ATXN3: variants seen among roughly 807,000 people sequenced by gnomAD.
ATXN3 encodes ataxin-3.
A neutral mutation model predicts 58.2 loss-of-function variants in ATXN3; 28 were observed. The observed-to-expected ratio is 0.48, with a 90% CI of 0.36 to 0.66. ATXN3 has a LOEUF of 0.66. Among genes scored for constraint, ATXN3 ranks in the 30% least tolerant of loss-of-function variants. The pLI, the probability that ATXN3 is intolerant of heterozygous loss-of-function variation, is 0.00. For missense variants in ATXN3, 321 were observed against 422.1 expected, an observed-to-expected ratio of 0.76 and a Z score of 2.10; for synonymous variants, 113 against 138.5, an observed-to-expected ratio of 0.82 and a Z score of 1.29.
At chr14:92,101,554 C>T (rs937187265) in intron 1 of ATXN3, among the ~76,000 whole-genome samples, 1 of 152,104 alleles carries the variant, frequency 6.6e-6, no homozygotes, top group Non-Finnish European at 1.5e-5. Flanking sequence ...CAAAGTTCAG[C>T]GGTATTGAAA....
intron 1 of ATXN3, among the ~76,000 whole-genome samples, chr14:92,103,814 A>G (rs1331057134): frequency 2.0e-5 from 3 of 152,218 alleles, no homozygotes; most frequent in Non-Finnish European, 4.4e-5. Context: ...TCGTAGGCAG[A>G]TATTGCTACC....
downstream of ATXN3, among the ~76,000 whole-genome samples, chr14:92,053,948 T>A (rs79089921): frequency 6.6e-6 from 1 of 151,586 alleles, no homozygotes; most frequent in African/African-American, 2.4e-5. Context: ...GGTTTTTTTT[T>A]CCCCCGAGAC....
At chr14:92,078,926 C>A (rs182654422) in intron 9 of ATXN3, among the ~76,000 whole-genome samples, 59 of 152,188 alleles carry the variant, frequency 3.9e-4, no homozygotes, top group African/African-American at 1.0e-3. Flanking sequence ...TGGCTCATGC[C>A]TGTAATCCCA....
intron 9 of ATXN3, 147 bp downstream of exon 9, chr14:92,080,818 A>T (rs1250899306): frequency 1.4e-6 from 1 of 723,278 alleles, no homozygotes; most frequent in South Asian, 1.5e-5. Flanking sequence ...TCACAGGCGT[A>T]AGCCACCGTG....
At position 92,096,705 on chromosome 14, in the gene ATXN3, ACTC is replaced by A. The variant is rs1164892592; in HGVS notation, c.155_157del (p.Gly52del). The A allele has an allele frequency of 6.2e-7, 1 of 1,613,668 alleles. No homozygotes were observed. The highest frequency in any genetic ancestry group is 8.5e-7 in the Non-Finnish European group (1 of 1,179,952). On this transcript the variant is annotated inframe_deletion, in exon 2 of 11. Transcript: ENST00000644486. ...AAACGTGCGATAATCTTCACTAGTAACTCCTCCTTCTGCCATTCTCATCCTCTC... is the reference window on the plus strand; with the variant it reads ...AAACGTGCGATAATCTTCACTAGTAACTCCTTCTGCCATTCTCATCCTCTC...
At chr14:92,084,407 T>C (rs1002106645) in intron 6 of ATXN3, among the ~76,000 whole-genome samples, 5 of 152,124 alleles carry the variant, frequency 3.3e-5, no homozygotes, top group African/African-American at 1.2e-4. Context: ...CTATTTAAGG[T>C]GTCAAACGTG....
downstream of ATXN3, among the ~76,000 whole-genome samples, chr14:92,057,423 A>ACAT: frequency 8.0e-6 from 1 of 124,546 alleles, no homozygotes; most frequent in Non-Finnish European, 1.6e-5. Context: ...AACAACAACA[A>ACAT]CAAAGCGGGG....
rs144372654 is a variant in ATXN3, at chr14:92,078,518, C to T, written c.872+2447G>A. Among the ~76,000 whole-genome samples the T allele has an allele frequency of 3.1e-3, 471 of 151,812 alleles. 1 individual carries two copies. The highest frequency in any genetic ancestry group is 0.014 in the Middle Eastern group (4 of 290). ...CTGGGATTACAAGCATGCGCCACCA[C>T]GCCTGGCTAATTTTTTGTATTTTTA... On this transcript the variant is annotated intron_variant, in intron 9 of 10. Transcript: ENST00000644486.
intron 10 of ATXN3, among the ~76,000 whole-genome samples, chr14:92,066,635 T>C (rs1415383118): frequency 1.4e-5 from 2 of 140,276 alleles, no homozygotes; most frequent in Non-Finnish European, 3.0e-5. Context: ...TGAGACAAGG[T>C]CTCGCTCTGT....
At chr14:92,091,482 C>T (rs1303400950) in intron 5 of ATXN3, among the ~76,000 whole-genome samples, 1 of 151,892 alleles carries the variant, frequency 6.6e-6, no homozygotes, top group Non-Finnish European at 1.5e-5. Flanking sequence ...AAAGAACCAA[C>T]TTAGGATGAA....
At chr14:92,053,388 G>A (rs1260629288), upstream of ATXN3, among the ~76,000 whole-genome samples, 1 of 151,994 alleles carries the variant, frequency 6.6e-6, no homozygotes, top group East Asian at 1.9e-4. Flanking sequence ...GTTAAGTTCT[G>A]GCCAATGTAA....
At chr14:92,103,441 AT>A (rs1003684110) in intron 1 of ATXN3, among the ~76,000 whole-genome samples, 1 of 152,026 alleles carries the variant, frequency 6.6e-6, no homozygotes, top group African/African-American at 2.4e-5. Context: ...AAATATATAC[AT>A]TTTTTTCTTT....
chr14:92,068,717 A>G lies in ATXN3; in HGVS notation c.991+2218T>C, dbSNP rs561747168. 1.3e-3 allele frequency among the ~76,000 whole-genome samples: 202 copies of G among 151,982 alleles called. 2 individuals are homozygous for G. Among genetic ancestry groups the G allele is most frequent in the Non-Finnish European group, 1.5e-4 (10 of 67,916 alleles). Reference sequence around the variant, plus strand: ...GCAATTCTCCTGCCTCAGCCTCCCAAGAAGCTGGGATTACAGGCATGCGCC... The same window carrying G: ...GCAATTCTCCTGCCTCAGCCTCCCAGGAAGCTGGGATTACAGGCATGCGCC... On this transcript the variant is annotated intron_variant, in intron 10 of 10. Transcript: ENST00000644486.
At chr14:92,071,948 T>A (rs1056277698) in intron 9 of ATXN3, among the ~76,000 whole-genome samples, 4 of 152,234 alleles carry the variant, frequency 2.6e-5, no homozygotes, top group Admixed American at 6.5e-5. Flanking sequence ...CTTTATGGCA[T>A]GTAAGCTAAT....
intron 9 of ATXN3, among the ~76,000 whole-genome samples, chr14:92,072,441 C>A (rs1230109347): frequency 6.6e-6 from 1 of 152,050 alleles, no homozygotes; most frequent in African/African-American, 2.4e-5. Context: ...ACTTTTTGAG[C>A]ACCAACATGA....
chr14:92,069,298 T>C (rs1354838757), intron 10 of ATXN3, among the ~76,000 whole-genome samples: 1 of 151,468 alleles, frequency 6.6e-6, no homozygotes, highest in African/African-American at 2.4e-5. Context: ...CTTGAACTCC[T>C]GACCTCAGGT....
At chr14:92,076,302 G>A (rs938906900) in intron 9 of ATXN3, among the ~76,000 whole-genome samples, 3 of 151,854 alleles carry the variant, frequency 2.0e-5, no homozygotes, top group African/African-American at 7.3e-5. Flanking sequence ...AAAAAAATTA[G>A]CCCGACGTGG....
chr14:92,067,554 G>A (rs1302525005), intron 10 of ATXN3, among the ~76,000 whole-genome samples: 2 of 152,004 alleles, frequency 1.3e-5, no homozygotes, highest in African/African-American at 2.4e-5. Flanking sequence ...GTGCCACCAC[G>A]CCCAGCTAAT....
chr14:92,104,529 A>G (rs890146730), intron 1 of ATXN3, among the ~76,000 whole-genome samples: 40 of 152,238 alleles, frequency 2.6e-4, no homozygotes, highest in African/African-American at 8.9e-4. Context: ...ACTAGGTAAC[A>G]ATATTGTTAA....
Sources: gnomAD v4.1 joint callset for allele counts (sites outside exome capture counted in the v4.1 genomes callset) on GRCh38, gnomAD v4.1.1 for gene constraint, MANE v1.5 for transcripts, NCBI Gene and HGNC (gene_info 2026-07-23, HGNC 2026-07-21) for gene names.